The following KIF21A variants were observed in gnomAD, a reference collection of about 807,000 sequenced individuals.
The protein encoded by KIF21A is kinesin family member 21A, also known as kinesin-like protein KIF21A.
In KIF21A, 114 loss-of-function variants were observed where a neutral mutation model predicts 202.9. The ratio of observed to expected loss-of-function variants is 0.56; its 90% CI spans 0.48 to 0.66. KIF21A has a LOEUF of 0.66. Ranked by LOEUF, KIF21A falls within the 30% of genes least tolerant of loss-of-function variation. KIF21A has a pLI of 0.00. For synonymous variants in KIF21A, 667 were observed against 670.8 expected, an observed-to-expected ratio of 0.99 and a Z score of 0.09; for missense variants, 1,677 against 1,994.9, an observed-to-expected ratio of 0.84 and a Z score of 3.04.
At chr12:39,367,586 G>T (rs1296441899) in intron 4 of KIF21A, among the ~76,000 whole-genome samples, 1 of 152,170 alleles carries the variant, frequency 6.6e-6, no homozygotes, top group Non-Finnish European at 1.5e-5. Context: ...AAGGATTGTG[G>T]TCTCATTCTT....
At position 39,304,745 on chromosome 12, in the gene KIF21A, G is replaced by A. The variant is rs184215859; in HGVS notation, c.4560+76C>T. 3.5e-3 allele frequency: 2,785 copies of A among 789,304 alleles called. 17 individuals are homozygous for A. The highest frequency in any genetic ancestry group is 0.01 in the Middle Eastern group (34 of 3,252). 48.9% of individuals were successfully genotyped at this position (789,304 alleles called of 1,614,324 possible). A position where few individuals can be genotyped will look rare whatever the true frequency, so the allele number is the denominator to read the frequency against. ...AGGAAAAAAGAAAATAAGAGAAAGAGGTCCTAGATGAATCTGAATACTTCA... is the reference window on the plus strand; with the variant it reads ...AGGAAAAAAGAAAATAAGAGAAAGAAGTCCTAGATGAATCTGAATACTTCA... On this transcript the variant is annotated intron_variant, in intron 35 of 37. Transcript: ENST00000361418.
At chr12:39,337,419 T>C (rs952772682) in intron 16 of KIF21A, 1 of 519,686 alleles carries the variant, frequency 1.9e-6, no homozygotes, top group African/African-American at 1.9e-5. Flanking sequence ...ATTCTATGCT[T>C]TTTGTATTCA....
intron 7 of KIF21A, among the ~76,000 whole-genome samples, chr12:39,362,591 A>G (rs575303543): frequency 9.2e-5 from 14 of 152,056 alleles, no homozygotes; most frequent in Non-Finnish European, 1.9e-4. Flanking sequence ...ACCAGCCAAC[A>G]CTCTGTATTT....
Position 39,358,415 on chromosome 12 carries a change from C to T in KIF21A, c.1020-42G>A, listed in dbSNP as rs368901191. ...ATAGTTAGGCTTACACATAAAAGCA[C>T]CTAAAATGCTAAAATAATCATTTTT... On this transcript the variant is annotated intron_variant, in intron 7 of 37. Transcript: ENST00000361418. 3.3e-5 allele frequency: 50 copies of T among 1,515,070 alleles called. No individual in the cohort carries two copies. In the African/African-American group the frequency reaches 5.9e-4, roughly 18 times the overall value. The allele number at this position is 1,515,070 out of a possible 1,614,324, so 93.9% of individuals were successfully genotyped here. A position where few individuals can be genotyped will look rare whatever the true frequency, so the allele number is the denominator to read the frequency against.
chr12:39,340,043 C>T (rs572594051), intron 16 of KIF21A, 122 bp downstream of exon 16: 5 of 751,576 alleles, frequency 6.7e-6, no homozygotes, highest in South Asian at 5.4e-5. Context: ...GAAATTACAT[C>T]ATTTGTAAGA....
chr12:39,294,454 T>G lies in KIF21A; in HGVS notation c.4995A>C (p.Gly1665=). Residue 1665 remains glycine (G), a synonymous_variant, in exon 38 of 38, where the codon GGA becomes GGC. Transcript: ENST00000361418. The stretch of plus-strand genomic sequence containing the variant: ...TACTGGCAATATCTTCCCCCAGATC[T>G]CCTGTGTCAGAGATCTGACCATCTT... ...NLQDGQISDT[G]DLGEDIASN 6.2e-7 allele frequency: 1 copy of G among 1,613,732 alleles called. No individual in the cohort carries two copies. The highest frequency in any genetic ancestry group is 8.5e-7 in the Non-Finnish European group (1 of 1,179,668).
intron 1 of KIF21A, among the ~76,000 whole-genome samples, chr12:39,387,137 GAGTTTTTGAAAGCATGC>G (rs2139564518): frequency 6.8e-6 from 1 of 148,106 alleles, no homozygotes; most frequent in African/African-American, 2.5e-5. Context: ...AAAACTCAAT[GAGTTTTTGAAAGCATGC>G]AGTAGTTACA....
intron 3 of KIF21A, among the ~76,000 whole-genome samples, chr12:39,368,435 C>T (rs189810729): frequency 6.6e-6 from 1 of 152,056 alleles, no homozygotes; most frequent in Non-Finnish European, 1.5e-5. Flanking sequence ...TGCCCTGAAA[C>T]CTTTCTTAAC....
chr12:39,329,353 T>G (rs902966386), intron 24 of KIF21A, among the ~76,000 whole-genome samples: 3 of 152,168 alleles, frequency 2.0e-5, no homozygotes, highest in Admixed American at 6.5e-5. Flanking sequence ...AATATTCTTC[T>G]GCACATAAAG....
At chr12:39,405,357 AC>A (rs1487491131) in intron 1 of KIF21A, among the ~76,000 whole-genome samples, 2 of 152,214 alleles carry the variant, frequency 1.3e-5, no homozygotes, top group Admixed American at 6.5e-5. Flanking sequence ...CATCAAAAAA[AC>A]AAAAGAGAGA....
intron 10 of KIF21A, among the ~76,000 whole-genome samples, chr12:39,352,366 T>C (rs1414868829): frequency 6.6e-6 from 1 of 152,176 alleles, no homozygotes; most frequent in Non-Finnish European, 1.5e-5. Flanking sequence ...CTAAATAAAA[T>C]TCTCACAAAA....
intron 1 of KIF21A, among the ~76,000 whole-genome samples, chr12:39,436,452 T>TATATATATA (rs1938782335): frequency 2.2e-5 from 2 of 91,356 alleles, no homozygotes; most frequent in African/African-American, 1.1e-4. Context: ...ATATATATTT[T>TATATATATA]TTTTTTTTTT....
At chr12:39,436,446 ATATTT>A (rs1225239098) in intron 1 of KIF21A, among the ~76,000 whole-genome samples, 5 of 104,314 alleles carry the variant, frequency 4.8e-5, no homozygotes, top group African/African-American at 2.4e-4. Flanking sequence ...ATATATATAT[ATATTT>A]TTTTTTTTTT....
intron 37 of KIF21A, among the ~76,000 whole-genome samples, chr12:39,298,997 TTAAA>T (rs1418752375): frequency 2.6e-5 from 4 of 152,222 alleles, no homozygotes; most frequent in African/African-American, 4.8e-5. Flanking sequence ...TAAATATTTA[TTAAA>T]TAAGTAAGTA....
intron 12 of KIF21A, 102 bp downstream of exon 12, chr12:39,346,364 A>G (rs1947889151): frequency 1.4e-6 from 1 of 690,094 alleles, no homozygotes; most frequent in Non-Finnish European, 2.0e-6. Context: ...AGCCCAGCTT[A>G]TCTAGTCTGA....
At chr12:39,310,767 C>T (rs1943950963) in intron 32 of KIF21A, among the ~76,000 whole-genome samples, 1 of 151,970 alleles carries the variant, frequency 6.6e-6, no homozygotes, top group Non-Finnish European at 1.5e-5. Context: ...TTCCAGAACC[C>T]CAAAACTCTT....
chr12:39,387,572 G>C (rs1020754701), intron 1 of KIF21A, among the ~76,000 whole-genome samples: 1 of 152,250 alleles, frequency 6.6e-6, no homozygotes, highest in East Asian at 1.9e-4. Flanking sequence ...CTTTCCAAAT[G>C]GAGTATCTTT....
chr12:39,365,579 T>C (rs1288320254), intron 6 of KIF21A, among the ~76,000 whole-genome samples: 1 of 152,230 alleles, frequency 6.6e-6, no homozygotes, highest in East Asian at 1.9e-4. Context: ...AGTTAATTCT[T>C]AATATAATCT....
At chr12:39,340,845 G>A in intron 15 of KIF21A, 61 bp downstream of exon 15, 1 of 1,217,292 alleles carries the variant, frequency 8.2e-7, no homozygotes. Context: ...TAAAGGAAAA[G>A]ATAAAAACCC....
Sources: allele counts gnomAD v4.1 joint callset (sites outside exome capture counted in the v4.1 genomes callset), GRCh38; gene constraint gnomAD v4.1.1; transcripts MANE v1.5; gene names NCBI Gene and HGNC (gene_info 2026-07-23, HGNC 2026-07-21).